Variants in SLC4A10 observed in about 807,000 individuals in gnomAD.
SLC4A10 encodes the protein sodium-driven chloride bicarbonate exchanger.
SLC4A10 carries 42 observed loss-of-function variants against 137.7 expected under a neutral mutation model. The observed-to-expected ratio is 0.30, with a 90% CI of 0.24 to 0.39. SLC4A10 has a LOEUF of 0.39. Ranked by LOEUF, SLC4A10 falls within the 10% of genes least tolerant of loss-of-function variation. The pLI, the probability that SLC4A10 is intolerant of heterozygous loss-of-function variation, is 1.00. For missense variants in SLC4A10, 925 were observed against 1,355.0 expected (o/e 0.68, Z 4.98); for synonymous variants, 474 against 464.1 (o/e 1.02, Z -0.27).
intron 1 of SLC4A10, among the ~76,000 whole-genome samples, chr2:161,715,933 A>G (rs2044820192): frequency 6.6e-6 from 1 of 152,122 alleles, no homozygotes; most frequent in Non-Finnish European, 1.5e-5. Context: ...TGTTTGAACT[A>G]ATTTACATTC....
At chr2:161,878,777 A>G (rs1036707619) in intron 8 of SLC4A10, among the ~76,000 whole-genome samples, 26 of 152,196 alleles carry the variant, frequency 1.7e-4, no homozygotes, top group Non-Finnish European at 4.4e-5. Context: ...GTAGTATAAA[A>G]TATTAAATCT....
At chr2:161,708,652 A>T in intron 1 of SLC4A10, 1 of 1,471,318 alleles carries the variant, frequency 6.8e-7, no homozygotes, top group African/African-American at 1.4e-5. Flanking sequence ...GCTTAAACAG[A>T]TACTGATGGA....
At chr2:161,666,804 A>AT (rs1223365712) in intron 1 of SLC4A10, among the ~76,000 whole-genome samples, 1 of 150,828 alleles carries the variant, frequency 6.6e-6, no homozygotes, top group African/African-American at 2.4e-5. Context: ...GAAAGAAACA[A>AT]TGTAATTTAT....
rs534551817 is a variant in SLC4A10 at position 161,779,704 on chromosome 2, A to G, written c.130+8650A>G. Among the ~76,000 whole-genome samples, 5 of 152,108 alleles carry G rather than the reference A, an allele frequency of 3.3e-5. No homozygotes were observed. The East Asian group carries it at 9.7e-4, about 30-fold the overall frequency. ...TACTTTCTAATATTTTACCTCTAAA[A>G]TCTTATGCCAAGGATATTAGCAAAC... On this transcript the variant is annotated intron_variant, in intron 2 of 26. Transcript: ENST00000446997.
intron 1 of SLC4A10, among the ~76,000 whole-genome samples, chr2:161,685,813 G>A (rs1469543114): frequency 6.6e-6 from 1 of 151,998 alleles, no homozygotes; most frequent in Non-Finnish European, 1.5e-5. Flanking sequence ...TATCATCCAA[G>A]GTTATTTGAC....
intron 1 of SLC4A10, among the ~76,000 whole-genome samples, chr2:161,673,416 A>G (rs1241192411): frequency 1.3e-5 from 2 of 152,178 alleles, no homozygotes; most frequent in Admixed American, 1.3e-4. Context: ...TTTAAAAAAG[A>G]GAAGTTAGCA....
intron 1 of SLC4A10, among the ~76,000 whole-genome samples, chr2:161,663,156 A>G (rs991596843): frequency 3.9e-5 from 6 of 152,158 alleles, no homozygotes; most frequent in Non-Finnish European, 8.8e-5. Context: ...CTTTTTTATA[A>G]CAGCCATATC....
intron 1 of SLC4A10, among the ~76,000 whole-genome samples, chr2:161,692,490 C>A (rs925699680): frequency 2.0e-5 from 3 of 152,142 alleles, no homozygotes; most frequent in East Asian, 3.9e-4. Context: ...GAGAATTGAA[C>A]TTTTAAGTCA....
chr2:161,793,086 G>C (rs1216534788), intron 2 of SLC4A10, among the ~76,000 whole-genome samples: 1 of 151,846 alleles, frequency 6.6e-6, no homozygotes, highest in Non-Finnish European at 1.5e-5. Context: ...TTACTATTTT[G>C]AATGTTCTCG....
chr2:161,884,355 T>A (rs1247018897), intron 10 of SLC4A10, among the ~76,000 whole-genome samples: 1 of 152,172 alleles, frequency 6.6e-6, no homozygotes, highest in Non-Finnish European at 1.5e-5. Flanking sequence ...TATCAATGTA[T>A]CTCTCTTCTC....
chr2:161,972,103 A>G (rs536675004), intron 23 of SLC4A10, among the ~76,000 whole-genome samples: 1 of 152,150 alleles, frequency 6.6e-6, no homozygotes, highest in African/African-American at 2.4e-5. Flanking sequence ...AAACCATTCT[A>G]CCTTGCTTCT....
At chr2:161,816,725 C>A (rs1184242913) in intron 3 of SLC4A10, among the ~76,000 whole-genome samples, 1 of 148,608 alleles carries the variant, frequency 6.7e-6, no homozygotes, top group African/African-American at 2.5e-5. Flanking sequence ...TGACAACATG[C>A]GGTGTTTGGT....
At chr2:161,652,056 T>C (rs980103489) in intron 1 of SLC4A10, among the ~76,000 whole-genome samples, 2 of 152,242 alleles carry the variant, frequency 1.3e-5, no homozygotes, top group African/African-American at 4.8e-5. Flanking sequence ...CTGCCAGTTT[T>C]CTCCACTGTA....
chr2:161,813,659 C>T (rs184580514), intron 3 of SLC4A10, among the ~76,000 whole-genome samples: 363 of 152,170 alleles, frequency 2.4e-3, no homozygotes, highest in African/African-American at 8.0e-3. Context: ...TAGGGCTATG[C>T]GCTAATGATG....
intron 19 of SLC4A10, among the ~76,000 whole-genome samples, chr2:161,955,924 T>C (rs903131067): frequency 2.6e-5 from 4 of 152,212 alleles, no homozygotes; most frequent in African/African-American, 4.8e-5. Flanking sequence ...AAATGTTTGA[T>C]GCGTATTTTA....
chr2:161,969,631 C>A (rs1407673892), intron 23 of SLC4A10, among the ~76,000 whole-genome samples: 1 of 152,100 alleles, frequency 6.6e-6, no homozygotes, highest in Non-Finnish European at 1.5e-5. Context: ...CCTAGAAATT[C>A]TACTCTGTGG....
intron 1 of SLC4A10, among the ~76,000 whole-genome samples, chr2:161,667,855 C>T (rs1038621318): frequency 1.3e-5 from 2 of 151,558 alleles, no homozygotes; most frequent in African/African-American, 4.8e-5. Flanking sequence ...CTAGAAATTA[C>T]TCAGAATAAA....
In SLC4A10 at chr2:161,973,425, A is replaced by G. The variant is rs1238258256; in HGVS notation, c.3160-824A>G. Among the ~76,000 whole-genome samples, 18 of 152,232 alleles carry G rather than the reference A, an allele frequency of 1.2e-4. 1 individual carries two copies. Among genetic ancestry groups the G allele is most frequent in the African/African-American group, 3.9e-4 (16 of 41,460 alleles). ...GTGGCCATAAGATTATCTTCATCCCAAAGATTTAGTTTTAAAATCCTATGT... is the reference window on the plus strand; with the variant it reads ...GTGGCCATAAGATTATCTTCATCCCGAAGATTTAGTTTTAAAATCCTATGT... On this transcript the variant is annotated intron_variant, in intron 23 of 26. Transcript: ENST00000446997.
At chr2:161,758,112 G>A (rs1183052720) in intron 1 of SLC4A10, among the ~76,000 whole-genome samples, 1 of 151,608 alleles carries the variant, frequency 6.6e-6, no homozygotes, top group African/African-American at 2.4e-5. Flanking sequence ...GTATAATTAA[G>A]AAAGTTATTT....
Sources: allele counts gnomAD v4.1 joint callset (sites outside exome capture counted in the v4.1 genomes callset), GRCh38; gene constraint gnomAD v4.1.1; transcripts MANE v1.5; gene names NCBI Gene and HGNC (gene_info 2026-07-23, HGNC 2026-07-21).